The following TRIB3 variants were observed in gnomAD, a reference collection of about 807,000 sequenced individuals.
TRIB3 encodes the protein tribbles pseudokinase 3, also known as tribbles homolog 3.
Under a neutral mutation model 16.6 loss-of-function variants are expected in TRIB3, and 20 were observed. That is an observed-to-expected ratio of 1.20 (90% CI 0.85 to 1.75). The LOEUF is 1.75. Among genes scored for constraint, TRIB3 ranks in the 40% most tolerant of loss-of-function variants. TRIB3 has a pLI of 0.00. For missense variants in TRIB3, 484 were observed against 488.9 expected (o/e 0.99, Z 0.10); for synonymous variants, 208 against 217.0 (o/e 0.96, Z 0.36).
intron 1 of TRIB3, among the ~76,000 whole-genome samples, chr20:386,600 T>G (rs2122672696): frequency 2.0e-5 from 3 of 148,312 alleles, no homozygotes; most frequent in Middle Eastern, 3.4e-3. Context: ...CGTGACGGAG[T>G]CTTGTTCTGT....
At chr20:385,821 A>AT (rs917229980) in intron 1 of TRIB3, 2 of 150,496 alleles carry the variant, frequency 1.3e-5, no homozygotes, top group African/African-American at 4.9e-5. Context: ...CTAGAGGCCC[A>AT]TGCTTCTCTG....
intron 1 of TRIB3, among the ~76,000 whole-genome samples, chr20:381,750 G>C (rs551812604): frequency 3.3e-4 from 50 of 152,278 alleles, no homozygotes; most frequent in African/African-American, 1.2e-3. Flanking sequence ...CCTGGAGCGG[G>C]GGAGCCGAGG....
rs2014865153 is a variant in TRIB3, at chr20:388,009, A to G, written c.1-2A>G. On this transcript the variant is annotated splice_acceptor_variant, in intron 1 of 3. Transcript: ENST00000217233. LOFTEE classifies it low-confidence loss of function (5UTR_SPLICE). ...TTAGTGCTTTTCTCTCCTTTTTACC[A>G]GATGCGAGCCACCCCTCTGGCTGCT... 2 of 1,609,984 alleles carry G rather than the reference A, an allele frequency of 1.2e-6. No individual in the cohort carries two copies. Among genetic ancestry groups the G allele is most frequent in the Non-Finnish European group, 1.7e-6 (2 of 1,176,734 alleles).
chr20:382,519 C>T (rs1249828149), intron 1 of TRIB3: 12 of 1,535,422 alleles, frequency 7.8e-6, no homozygotes, highest in South Asian at 2.4e-5. Context: ...AGCCTCGAAC[C>T]TGGGGAGCTT....
chr20:387,980 C>T, intron 1 of TRIB3, 31 bp from the exon 2 acceptor site: 2 of 1,594,380 alleles, frequency 1.3e-6, no homozygotes, highest in Middle Eastern at 3.4e-4. Context: ...CAAGCAGTCT[C>T]ACTTTAGTGC....
At position 396,835 on chromosome 20, in the gene TRIB3, C is replaced by T. The variant is rs1015638039; in HGVS notation, c.*145C>T. 19 of 1,270,458 alleles carry T rather than the reference C, an allele frequency of 1.5e-5. No homozygotes were observed. The highest frequency in any genetic ancestry group is 7.4e-5 in the African/African-American group (5 of 67,278). 78.7% of individuals were successfully genotyped at this position (1,270,458 alleles called of 1,614,324 possible). ...AAGCCTGTGTGGAGTGTGCTGTGTA[C>T]ACATCTGCTTTGTTCCACACACATG... On this transcript the variant is annotated 3_prime_UTR_variant, in exon 4 of 4. Coordinates refer to ENST00000217233, the MANE Select transcript of TRIB3 (RefSeq NM_021158.5).
intron 1 of TRIB3, among the ~76,000 whole-genome samples, chr20:383,202 C>G (rs2014709741): frequency 6.6e-6 from 1 of 152,210 alleles, no homozygotes; most frequent in South Asian, 2.1e-4. Context: ...GGAGATCCTT[C>G]CAATTACCCT....
rs1237844266 is a variant in TRIB3, at chr20:391,004, A to G, written c.292-283A>G. Reference sequence around the variant, plus strand: ...GTGACAGAGCGAGACTCCGTCTCAAAAAAAAAAAAAAAAAAAAAAAGCACA... The same window carrying G: ...GTGACAGAGCGAGACTCCGTCTCAAGAAAAAAAAAAAAAAAAAAAAGCACA... On this transcript the variant is annotated intron_variant, in intron 2 of 3. Coordinates refer to ENST00000217233, the MANE Select transcript of TRIB3 (RefSeq NM_021158.5). Among the ~76,000 whole-genome samples, 234 of 147,508 alleles carry G rather than the reference A, an allele frequency of 1.6e-3. 1 individual carries two copies. The highest frequency in any genetic ancestry group is 4.5e-3 in the African/African-American group (177 of 39,698).
In TRIB3 at chr20:395,190, C is replaced by T. The variant is rs555697486; in HGVS notation, c.585-1008C>T. 1.6e-3 allele frequency among the ~76,000 whole-genome samples: 239 copies of T among 150,104 alleles called. 2 individuals carry two copies. Among genetic ancestry groups the T allele is most frequent in the Admixed American group, 2.6e-3 (39 of 15,082 alleles). ...TTTTTTTTTTTTTGAGACAGGGTCT[C>T]ACTCTGTCACCCAGGCCGGAGTGCA... On this transcript the variant is annotated intron_variant, in intron 3 of 3. Coordinates refer to ENST00000217233, the MANE Select transcript of TRIB3 (RefSeq NM_021158.5).
chr20:389,229 T>G (rs1214875035), intron 2 of TRIB3, among the ~76,000 whole-genome samples: 1 of 152,088 alleles, frequency 6.6e-6, no homozygotes, highest in African/African-American at 2.4e-5. Flanking sequence ...ACACTGAGAC[T>G]CAGAAAGCCA....
At chr20:393,356 G>A (rs1164636925) in intron 3 of TRIB3, among the ~76,000 whole-genome samples, 1 of 151,192 alleles carries the variant, frequency 6.6e-6, no homozygotes, top group Non-Finnish European at 1.5e-5. Flanking sequence ...TTTTGAGACA[G>A]GGTCTCACTC....
intron 3 of TRIB3, 143 bp downstream of exon 3, chr20:391,722 C>G: frequency 8.5e-7 from 1 of 1,176,592 alleles, no homozygotes; most frequent in East Asian, 2.6e-5. Context: ...GTTTAGTTCC[C>G]TGAGAAGAGT....
At chr20:385,556 C>T (rs1346562357) in intron 1 of TRIB3, 1 of 152,010 alleles carries the variant, frequency 6.6e-6, no homozygotes, top group East Asian at 1.9e-4. Context: ...TCAACTTCAC[C>T]TGGGAACTGG....
Position 391,333 on chromosome 20 carries a change from G to T in TRIB3, c.338G>T (p.Arg113Leu). The change falls in exon 3 of 4, where the codon CGG becomes CTG. Residue 113 changes from arginine to leucine, a missense_variant. Physicochemically the swap from Arg to Leu is moderately radical, Grantham distance 102. Coordinates refer to ENST00000217233, the MANE Select transcript of TRIB3 (RefSeq NM_021158.5). ...EALAVLEPYA[R>L]LPPHKHVARP... ...CTGGCCGTGCTGGAGCCCTATGCGC[G>T]GCTGCCCCCGCACAAGCATGTGGCT... 1 of 1,613,292 alleles carries T rather than the reference G, an allele frequency of 6.2e-7. No individual in the cohort carries two copies. Among genetic ancestry groups the T allele is most frequent in the Non-Finnish European group, 8.5e-7 (1 of 1,179,986 alleles).
rs972660806 is a variant in TRIB3 at position 388,236 on chromosome 20, C to A, written c.226C>A (p.Pro76Thr). ...TCTTGGGCCCTATGTCCTCCTGGAG[C>A]CCGAGGAGGGCGGGCGGGCCTACCA... is the stretch of plus-strand genomic sequence containing the variant. ...SRLGPYVLLE[P>T]EEGGRAYQAL... The change falls in exon 2 of 4, where the codon CCC becomes ACC. Residue 76 changes from proline to threonine, a missense_variant. By Grantham distance (38) the Pro-to-Thr change is conservative (BLOSUM62 -1). Coordinates refer to ENST00000217233, the MANE Select transcript of TRIB3 (RefSeq NM_021158.5). The A allele has an allele frequency of 3.1e-6, 5 of 1,613,516 alleles. No individual in the cohort carries two copies. In the African/African-American group the frequency reaches 4.0e-5, roughly 13 times the overall value.
intron 3 of TRIB3, 61 bp from the exon 4 acceptor site, chr20:396,137 G>T: frequency 6.4e-7 from 1 of 1,552,724 alleles, no homozygotes. Flanking sequence ...GTGATAGCAT[G>T]GGGTGGTGGC....
chr20:395,963 T>G (rs2015112257), intron 3 of TRIB3, among the ~76,000 whole-genome samples: 1 of 152,238 alleles, frequency 6.6e-6, no homozygotes, highest in Non-Finnish European at 1.5e-5. Flanking sequence ...TTGAAAAATG[T>G]ATTCCTTTCA....
At position 396,686 on chromosome 20, in the gene TRIB3, G is replaced by C; in HGVS notation, c.1073G>C (p.Gly358Ala). 6.2e-7 allele frequency: 1 copy of C among 1,606,194 alleles called. No homozygotes were observed. The highest frequency in any genetic ancestry group is 8.5e-7 in the Non-Finnish European group (1 of 1,175,660). Residue 358 changes from glycine (G) to alanine (A), a missense_variant, in exon 4 of 4, where the codon GGC becomes GCC. Transcript: ENST00000217233. The part of the protein sequence containing the change: ...EEGDREVVLY[G>A] ...GGAGACAGAGAAGTGGTTCTGTATG[G>C]CTAGGACCACCCTACTACACGCTCA...
At chr20:392,555 G>T (rs1446457910) in intron 3 of TRIB3, among the ~76,000 whole-genome samples, 1 of 141,046 alleles carries the variant, frequency 7.1e-6, no homozygotes, top group African/African-American at 2.7e-5. Flanking sequence ...GGGATGCTAA[G>T]AATTTTTTTT....
Sources: allele counts gnomAD v4.1 joint callset (sites outside exome capture counted in the v4.1 genomes callset), GRCh38; gene constraint gnomAD v4.1.1; transcripts MANE v1.5; gene names NCBI Gene and HGNC (gene_info 2026-07-23, HGNC 2026-07-21).